Variants in PHF20L1 observed in about 807,000 individuals in gnomAD.
PHF20L1 encodes the protein PHD finger protein 20-like protein 1.
A neutral mutation model predicts 125.5 loss-of-function variants in PHF20L1; 44 were observed. The observed-to-expected ratio is 0.35, with a 90% CI of 0.28 to 0.45. The LOEUF (loss-of-function observed/expected upper bound fraction) is 0.45, where lower values mean the gene tolerates loss of function less well. PHF20L1 is among the 20% of genes least tolerant of loss of function. The probability of loss-of-function intolerance (pLI) is 1.00; values close to 1 mark genes in which losing one functional copy is unlikely to be tolerated. For missense variants in PHF20L1, 1,012 were observed against 1,217.2 expected (o/e 0.83, Z 2.51); for synonymous variants, 380 against 403.1 (o/e 0.94, Z 0.69).
intron 2 of PHF20L1, among the ~76,000 whole-genome samples, chr8:132,790,267 C>G (rs951025803): frequency 6.6e-6 from 1 of 152,118 alleles, no homozygotes; most frequent in Admixed American, 6.5e-5. Flanking sequence ...TGTTCAGCAG[C>G]GTTTTTTCTT....
At chr8:132,819,569 A>T (rs961036670) in intron 12 of PHF20L1, among the ~76,000 whole-genome samples, 1 of 150,380 alleles carries the variant, frequency 6.6e-6, no homozygotes, top group African/African-American at 2.4e-5. Flanking sequence ...TTTTCTCCTT[A>T]ACCTTTTTGT....
At position 132,794,837 on chromosome 8, in the gene PHF20L1, T is replaced by C; in HGVS notation, c.340+20T>C. On this transcript the variant is annotated intron_variant, in intron 4 of 20. Coordinates refer to ENST00000395386, the MANE Select transcript of PHF20L1 (RefSeq NM_016018.5). The stretch of plus-strand genomic sequence containing the variant: ...AAGAAGGTATGTGTTTGAAATGATC[T>C]GAGACTTAAAATTAGATTAATAGTA... 6.7e-7 allele frequency: 1 copy of C among 1,485,104 alleles called. No individual in the cohort carries two copies. Among genetic ancestry groups the C allele is most frequent in the South Asian group, 1.2e-5 (1 of 85,714 alleles). 92.0% of individuals were successfully genotyped at this position (1,485,104 alleles called of 1,614,324 possible). A position where few individuals can be genotyped will look rare whatever the true frequency, so the allele number is the denominator to read the frequency against.
intron 2 of PHF20L1, among the ~76,000 whole-genome samples, chr8:132,792,933 T>A (rs1246521321): frequency 6.6e-6 from 1 of 151,428 alleles, no homozygotes; most frequent in African/African-American, 2.4e-5. Context: ...ATCCAATAAT[T>A]CCCTAGCTTA....
chr8:132,839,201 A>G, intron 17 of PHF20L1, 186 bp from the exon 18 acceptor site: 1 of 568,736 alleles, frequency 1.8e-6, no homozygotes, highest in Non-Finnish European at 3.1e-6. Flanking sequence ...CTGGGTGGGC[A>G]GGAACGCTGA....
At position 132,814,517 on chromosome 8, in the gene PHF20L1, A is replaced by G. The variant is rs979382907; in HGVS notation, c.931-120A>G. The stretch of plus-strand genomic sequence containing the variant: ...TTTTGGTTTTTCATTTGTAATAGAA[A>G]TGTTATATGTTGCTTAACAATGTTT... On this transcript the variant is annotated intron_variant, in intron 9 of 20. Coordinates refer to ENST00000395386, the MANE Select transcript of PHF20L1 (RefSeq NM_016018.5). 1.5e-5 allele frequency: 9 copies of G among 587,600 alleles called. No individual in the cohort carries two copies. The South Asian group carries it at 3.0e-4, about 20-fold the overall frequency. 36.4% of individuals were successfully genotyped at this position (587,600 alleles called of 1,614,324 possible). A position where few individuals can be genotyped will look rare whatever the true frequency, so the allele number is the denominator to read the frequency against.
intron 15 of PHF20L1, among the ~76,000 whole-genome samples, chr8:132,834,116 A>T (rs188378925): frequency 2.4e-4 from 37 of 152,160 alleles, no homozygotes; most frequent in African/African-American, 7.7e-4. Context: ...GTAAGGGGGA[A>T]CTTTTATTTG....
intron 2 of PHF20L1, among the ~76,000 whole-genome samples, chr8:132,789,396 T>C (rs1028075662): frequency 3.3e-5 from 5 of 152,172 alleles, no homozygotes; most frequent in African/African-American, 1.2e-4. Flanking sequence ...ACTCTAGTTA[T>C]GGCTATAGTT....
intron 2 of PHF20L1, among the ~76,000 whole-genome samples, chr8:132,790,416 G>A (rs182742640): frequency 6.6e-6 from 1 of 152,308 alleles, no homozygotes; most frequent in East Asian, 1.9e-4. Context: ...TCCTCTCGCA[G>A]TGTAACTGGT....
chr8:132,785,569 G>C (rs1352626473), intron 2 of PHF20L1, among the ~76,000 whole-genome samples: 2 of 152,086 alleles, frequency 1.3e-5, no homozygotes, highest in Admixed American at 1.3e-4. Context: ...CAGTTTTTTA[G>C]TATTTTTACT....
chr8:132,805,910 T>TA (rs1833633841), intron 8 of PHF20L1, among the ~76,000 whole-genome samples: 1 of 152,042 alleles, frequency 6.6e-6, no homozygotes, highest in Non-Finnish European at 1.5e-5. Context: ...ATTAACCTGT[T>TA]ACACCTTTTC....
At chr8:132,782,917 T>C (rs528265717) in intron 2 of PHF20L1, among the ~76,000 whole-genome samples, 4 of 152,152 alleles carry the variant, frequency 2.6e-5, no homozygotes, top group Non-Finnish European at 4.4e-5. Context: ...TCCTCATGTT[T>C]CCACAGAGTT....
intron 17 of PHF20L1, chr8:132,838,633 AAAGTCACAAT>A (rs1427307199): frequency 6.6e-6 from 1 of 152,194 alleles, no homozygotes; most frequent in Non-Finnish European, 1.5e-5. Context: ...AAAAAAGAAA[AAAGTCACAAT>A]AAGTCACAAA....
At chr8:132,808,155 AAACTT>A (rs1833950242) in intron 8 of PHF20L1, 1 of 152,450 alleles carries the variant, frequency 6.6e-6, no homozygotes. Flanking sequence ...AAGCATGAAA[AAACTT>A]TATTAATCAT....
At chr8:132,782,385 T>C (rs1234006975) in intron 2 of PHF20L1, among the ~76,000 whole-genome samples, 1 of 152,210 alleles carries the variant, frequency 6.6e-6, no homozygotes, top group Non-Finnish European at 1.5e-5. Flanking sequence ...TATGTATTGC[T>C]TTAAGTTCTA....
chr8:132,806,723 A>G (rs1833751357), intron 8 of PHF20L1: 1 of 152,086 alleles, frequency 6.6e-6, no homozygotes, highest in Non-Finnish European at 1.5e-5. Flanking sequence ...GAGAACTAAT[A>G]TAAAATAGTA....
At chr8:132,835,008 A>G (rs982129439) in intron 15 of PHF20L1, among the ~76,000 whole-genome samples, 4 of 152,130 alleles carry the variant, frequency 2.6e-5, no homozygotes, top group Non-Finnish European at 5.9e-5. Flanking sequence ...TGATAGAGGA[A>G]ACACTAAATC....
intron 6 of PHF20L1, among the ~76,000 whole-genome samples, chr8:132,800,859 T>C (rs1463010279): frequency 6.6e-6 from 1 of 151,540 alleles, no homozygotes; most frequent in Non-Finnish European, 1.5e-5. Context: ...CTTCTAACAC[T>C]GTATTTGTAG....
intron 2 of PHF20L1, among the ~76,000 whole-genome samples, chr8:132,778,331 A>G (rs1830054582): frequency 1.3e-5 from 2 of 152,198 alleles, no homozygotes; most frequent in Admixed American, 6.5e-5. Context: ...TACAGAGTAT[A>G]TTAATGGTTA....
rs74962746 is a variant in PHF20L1, at chr8:132,841,538, A to C, written c.2388-977A>C. 3 of 152,144 alleles carry C rather than the reference A, an allele frequency of 2.0e-5. No individual in the cohort carries two copies. In the East Asian group the frequency reaches 5.8e-4, roughly 29 times the overall value. 9.4% of individuals were successfully genotyped at this position (152,144 alleles called of 1,614,324 possible). On this transcript the variant is annotated intron_variant, in intron 18 of 20. Transcript: ENST00000395386. ...TCTAATTTGGAAATTATTAATATGC[A>C]AACATTATTGAGCCTTTTGAAAGGT...
Sources: gnomAD v4.1 joint callset for allele counts (sites outside exome capture counted in the v4.1 genomes callset) on GRCh38, gnomAD v4.1.1 for gene constraint, MANE v1.5 for transcripts, NCBI Gene and HGNC (gene_info 2026-07-23, HGNC 2026-07-21) for gene names.